Variants in CLVS1 observed in about 807,000 individuals in gnomAD.
The protein encoded by CLVS1 is clavesin-1.
In CLVS1, 10 loss-of-function variants were observed where a neutral mutation model predicts 33.1. The observed-to-expected ratio is 0.30, with a 90% CI of 0.19 to 0.51. The LOEUF (loss-of-function observed/expected upper bound fraction) is 0.51, where lower values mean the gene tolerates loss of function less well. Ranked by LOEUF, CLVS1 falls within the 20% of genes least tolerant of loss-of-function variation. CLVS1 has a pLI of 0.97. For synonymous variants in CLVS1, 163 were observed against 166.1 expected (o/e 0.98, Z 0.14); for missense variants, 343 against 433.4 (o/e 0.79, Z 1.85).
chr8:61,208,963 C>T (rs1807917765), intron 2 of CLVS1, among the ~76,000 whole-genome samples: 1 of 151,990 alleles, frequency 6.6e-6, no homozygotes, highest in South Asian at 2.1e-4. Context: ...GGGGTATAAT[C>T]CCATTAAAAA....
chr8:61,301,727 A>G (rs976594141), intron 2 of CLVS1, among the ~76,000 whole-genome samples: 1 of 152,138 alleles, frequency 6.6e-6, no homozygotes, highest in Non-Finnish European at 1.5e-5. Flanking sequence ...GAGTTGGGCA[A>G]TGGTAGTCTG....
chr8:61,048,248 GA>G, the CLVS1 span, among the ~76,000 whole-genome samples: 8 of 152,332 alleles, frequency 5.3e-5, no homozygotes, highest in Non-Finnish European at 1.2e-4. Context: ...AGAGTGAAGG[GA>G]ATCTATAATG....
the CLVS1 span, among the ~76,000 whole-genome samples, chr8:61,050,912 C>T: frequency 5.3e-5 from 8 of 152,200 alleles, no homozygotes; most frequent in Non-Finnish European, 1.0e-4. Flanking sequence ...CTCTTCCCTG[C>T]CACCCCTGGG....
At chr8:61,459,463 C>T (rs1328392295) in intron 5 of CLVS1, among the ~76,000 whole-genome samples, 3 of 152,078 alleles carry the variant, frequency 2.0e-5, no homozygotes, top group African/African-American at 7.2e-5. Flanking sequence ...GAGCAGTATA[C>T]ACTGCACCAT....
chr8:61,321,793 A>C (rs1811202625), intron 2 of CLVS1, among the ~76,000 whole-genome samples: 2 of 152,116 alleles, frequency 1.3e-5, no homozygotes, highest in Admixed American at 6.5e-5. Flanking sequence ...TGTTTCTTAT[A>C]AGAAATCTAC....
At position 61,107,803 on chromosome 8, in the gene CLVS1, C is replaced by A. The variant is rs1444315802; in HGVS notation, c.-242-23967C>A. On this transcript the variant is annotated intron_variant, in intron 1 of 2. Transcript: ENST00000522621. ...TTAAAAATATTTCCCTCATTCCTTG[C>A]AGTTTTCAGAATTCAAATTATTGGA... Among the ~76,000 whole-genome samples the A allele has an allele frequency of 3.3e-5, 5 of 152,322 alleles. No homozygotes were observed. The South Asian group carries it at 8.3e-4, about 25-fold the overall frequency.
chr8:61,224,398 T>C (rs1319918774), intron 2 of CLVS1, among the ~76,000 whole-genome samples: 1 of 152,140 alleles, frequency 6.6e-6, no homozygotes, highest in African/African-American at 2.4e-5. Context: ...TTTCTGCTTG[T>C]TTGCTTTTCT....
chr8:61,409,512 A>T (rs539328733), intron 3 of CLVS1, among the ~76,000 whole-genome samples: 1 of 152,210 alleles, frequency 6.6e-6, no homozygotes, highest in African/African-American at 2.4e-5. Flanking sequence ...ATAGTATCCC[A>T]TTAAATAAAT....
intron 2 of CLVS1, among the ~76,000 whole-genome samples, chr8:61,253,148 T>C (rs1010403896): frequency 3.3e-5 from 5 of 152,210 alleles, no homozygotes; most frequent in African/African-American, 1.2e-4. Context: ...TTTGCTTGTC[T>C]GAAAAGTATT....
At chr8:61,496,526 G>A (rs1804273664) in intron 5 of CLVS1, among the ~76,000 whole-genome samples, 1 of 152,178 alleles carries the variant, frequency 6.6e-6, no homozygotes. Flanking sequence ...CTGGAAATGT[G>A]TTAGGGGGCT....
chr8:60,991,957 G>A, the CLVS1 span, among the ~76,000 whole-genome samples: 6 of 151,684 alleles, frequency 4.0e-5, no homozygotes, highest in African/African-American at 1.5e-4. Flanking sequence ...CATGTTGGCC[G>A]GGCTGGTCTT....
At chr8:61,228,659 C>T (rs1035512337) in intron 2 of CLVS1, among the ~76,000 whole-genome samples, 1 of 152,198 alleles carries the variant, frequency 6.6e-6, no homozygotes, top group Admixed American at 6.5e-5. Context: ...TTGTCTTTCT[C>T]TGCCTGGCTT....
chr8:61,464,001 C>A (rs1344896046), intron 5 of CLVS1, among the ~76,000 whole-genome samples: 2 of 149,340 alleles, frequency 1.3e-5, no homozygotes, highest in African/African-American at 2.5e-5. Flanking sequence ...TGAACCTGGG[C>A]GGGTGGAGGT....
chr8:61,004,809 G>T, the CLVS1 span, among the ~76,000 whole-genome samples: 1 of 152,182 alleles, frequency 6.6e-6, no homozygotes, highest in Admixed American at 6.5e-5. Context: ...TGCCATTCAA[G>T]TACCAAATAA....
chr8:61,348,485 AATAAT>A (rs1232241694), intron 2 of CLVS1, among the ~76,000 whole-genome samples: 1 of 152,080 alleles, frequency 6.6e-6, no homozygotes, highest in Non-Finnish European at 1.5e-5. Flanking sequence ...TATAATAAAA[AATAAT>A]AATAATAATA....
At chr8:61,471,185 C>A (rs996203163) in intron 5 of CLVS1, among the ~76,000 whole-genome samples, 1 of 152,196 alleles carries the variant, frequency 6.6e-6, no homozygotes, top group South Asian at 2.1e-4. Context: ...TGTAACCTTG[C>A]TGAGTCTCAG....
At chr8:61,204,336 G>A (rs976206688) in intron 2 of CLVS1, among the ~76,000 whole-genome samples, 1 of 152,216 alleles carries the variant, frequency 6.6e-6, no homozygotes, top group African/African-American at 2.4e-5. Flanking sequence ...GCAAAATAAA[G>A]TACAGAGAGA....
intron 2 of CLVS1, among the ~76,000 whole-genome samples, chr8:61,238,776 AATTT>A (rs1343411972): frequency 6.6e-6 from 1 of 152,222 alleles, no homozygotes; most frequent in Admixed American, 6.5e-5. Context: ...AAATGAAGAT[AATTT>A]ATTTAATCAA....
In CLVS1 at chr8:61,304,862, A is replaced by G. The variant is rs566622513; in HGVS notation, c.455+4580A>G. On this transcript the variant is annotated intron_variant, in intron 2 of 5. Coordinates refer to ENST00000325897, the MANE Select transcript of CLVS1 (RefSeq NM_173519.3). ...AGTAATTTTACTTTTTAGGGTCTCA[A>G]TTGTATCAAGTGGAAACAGATATCT... 6.6e-5 allele frequency among the ~76,000 whole-genome samples: 10 copies of G among 152,292 alleles called. No homozygotes were observed. In the South Asian group the frequency reaches 2.1e-3, roughly 32 times the overall value.
Sources: allele counts gnomAD v4.1 joint callset (sites outside exome capture counted in the v4.1 genomes callset), GRCh38; gene constraint gnomAD v4.1.1; transcripts MANE v1.5; gene names NCBI Gene and HGNC (gene_info 2026-07-23, HGNC 2026-07-21).